RNLS: variants seen among roughly 807,000 people sequenced by gnomAD.
RNLS encodes renalase, FAD dependent amine oxidase, also known as renalase.
RNLS carries 39 observed loss-of-function variants against 39.8 expected under a neutral mutation model. That is an observed-to-expected ratio of 0.98 (90% CI 0.76 to 1.28). RNLS has a LOEUF of 1.28. Ranked by LOEUF, RNLS falls within the 50% of genes most tolerant of loss-of-function variation. RNLS has a pLI of 0.00. For synonymous variants in RNLS, 147 were observed against 150.7 expected (o/e 0.98, Z 0.18); for missense variants, 410 against 413.3 (o/e 0.99, Z 0.07).
intron 4 of RNLS, among the ~76,000 whole-genome samples, chr10:88,489,891 C>G (rs1326277227): frequency 1.3e-5 from 2 of 152,126 alleles, no homozygotes; most frequent in African/African-American, 4.8e-5. Context: ...CTTGACTGAA[C>G]CCCTAACTCT....
chr10:88,187,519 A>G, the RNLS span, among the ~76,000 whole-genome samples: 1 of 152,130 alleles, frequency 6.6e-6, no homozygotes, highest in Admixed American at 6.6e-5. Flanking sequence ...CAGCATTTGA[A>G]AACTGATGTG....
intron 5 of RNLS, among the ~76,000 whole-genome samples, chr10:88,342,640 ATATAAG>A (rs1848033336): frequency 4.6e-5 from 7 of 152,194 alleles, no homozygotes; most frequent in Admixed American, 3.3e-4. Flanking sequence ...GAAAATTAAA[ATATAAG>A]TATAAAATAA....
Position 88,482,765 on chromosome 10 carries a change from A to C in RNLS, c.526+90138T>G, listed in dbSNP as rs563444885. Among the ~76,000 whole-genome samples the C allele has an allele frequency of 1.2e-4, 18 of 152,142 alleles. 1 individual carries two copies. Among genetic ancestry groups the C allele is most frequent in the Non-Finnish European group, 2.6e-4 (18 of 68,016 alleles). ...TTGAACATTTTAGGTAATATATTGT[A>C]GAAACTCTGGAGTACAACCTTTTCC... On this transcript the variant is annotated intron_variant, in intron 4 of 6. Transcript: ENST00000331772.
intron 4 of RNLS, among the ~76,000 whole-genome samples, chr10:88,449,012 G>T (rs940250433): frequency 6.6e-6 from 1 of 152,184 alleles, no homozygotes; most frequent in African/African-American, 2.4e-5. Flanking sequence ...AGTGCGGGGA[G>T]GGAGAAGGGA....
chr10:88,346,782 C>G (rs1848337063), intron 5 of RNLS, among the ~76,000 whole-genome samples: 1 of 152,142 alleles, frequency 6.6e-6, no homozygotes, highest in African/African-American at 2.4e-5. Flanking sequence ...CAATCTTGAT[C>G]AAGATAAGAA....
chr10:88,484,770 C>T (rs933608675), intron 4 of RNLS, among the ~76,000 whole-genome samples: 1 of 151,870 alleles, frequency 6.6e-6, no homozygotes, highest in African/African-American at 2.4e-5. Context: ...GTAAATAGCA[C>T]ACCCTTAAAT....
chr10:88,412,418 A>G (rs931637108), intron 4 of RNLS, among the ~76,000 whole-genome samples: 3 of 116,242 alleles, frequency 2.6e-5, no homozygotes, highest in Admixed American at 8.9e-5. Context: ...CAGGTTCACA[A>G]GATGACAAAG....
intron 4 of RNLS, among the ~76,000 whole-genome samples, chr10:88,481,124 A>G (rs1365429179): frequency 6.6e-6 from 1 of 152,188 alleles, no homozygotes; most frequent in Non-Finnish European, 1.5e-5. Context: ...TGGTAACAGT[A>G]TAGCCACTAC....
intron 5 of RNLS, among the ~76,000 whole-genome samples, chr10:88,327,816 T>C (rs1333612023): frequency 6.6e-6 from 1 of 152,344 alleles, no homozygotes; most frequent in East Asian, 1.9e-4. Context: ...TTGCCCAGGC[T>C]GGTCTCAAAC....
chr10:88,203,551 C>G, the RNLS span, among the ~76,000 whole-genome samples: 1 of 146,324 alleles, frequency 6.8e-6, no homozygotes, highest in Non-Finnish European at 1.5e-5. Context: ...GTTCAAGGAC[C>G]GTTTACATCA....
At chr10:88,220,904 G>A in the RNLS span, among the ~76,000 whole-genome samples, 2 of 152,174 alleles carry the variant, frequency 1.3e-5, no homozygotes, top group African/African-American at 4.8e-5. Context: ...ACCCAGAGAG[G>A]TTGCAAGGAA....
At chr10:88,367,132 A>C (rs560665619) in intron 4 of RNLS, among the ~76,000 whole-genome samples, 1 of 152,070 alleles carries the variant, frequency 6.6e-6, no homozygotes, top group African/African-American at 2.4e-5. Flanking sequence ...TTATGCCTTG[A>C]TGAATTTTCA....
chr10:88,557,243 A>T lies in RNLS; in HGVS notation c.526+15660T>A, dbSNP rs1848923371. On this transcript the variant is annotated intron_variant, in intron 4 of 6. Transcript: ENST00000331772. ...AGCAAATTCTGCTTCAGATATGATG[A>T]TTTCCTTTGGCTATTTCATGTAGCA... Among the ~76,000 whole-genome samples the T allele has an allele frequency of 7.9e-5, 12 of 152,284 alleles. No individual in the cohort carries two copies. In the South Asian group the frequency reaches 2.3e-3, roughly 29 times the overall value.
At chr10:88,262,698 T>C in the RNLS span, among the ~76,000 whole-genome samples, 1 of 152,226 alleles carries the variant, frequency 6.6e-6, no homozygotes, top group Non-Finnish European at 1.5e-5. Flanking sequence ...AAAAATATAC[T>C]GTACTTTACA....
chr10:88,245,218 G>A, the RNLS span, among the ~76,000 whole-genome samples: 3 of 152,318 alleles, frequency 2.0e-5, no homozygotes, highest in African/African-American at 7.2e-5. Flanking sequence ...CTTTTGATTA[G>A]CATAACATTT....
At chr10:88,432,539 A>T (rs1257587456) in intron 4 of RNLS, among the ~76,000 whole-genome samples, 1 of 151,606 alleles carries the variant, frequency 6.6e-6, no homozygotes, top group Non-Finnish European at 1.5e-5. Context: ...TCCTTGTTCC[A>T]TCTTTTCTCT....
intron 4 of RNLS, among the ~76,000 whole-genome samples, chr10:88,467,667 T>A (rs191849945): frequency 3.3e-5 from 5 of 152,052 alleles, no homozygotes; most frequent in South Asian, 2.1e-4. Flanking sequence ...TAAAAAAAAA[T>A]GCCTGAGTCC....
chr10:88,435,817 T>A (rs10887819), intron 4 of RNLS, among the ~76,000 whole-genome samples: 11,041 of 152,224 alleles, frequency 0.073, 559 homozygotes, highest in East Asian at 0.25. Context: ...GGAAACCTTA[T>A]AATAAAAGCA....
the RNLS span, among the ~76,000 whole-genome samples, chr10:88,206,977 G>A: frequency 2.0e-5 from 3 of 152,034 alleles, no homozygotes; most frequent in Non-Finnish European, 2.9e-5. Flanking sequence ...TATAAAGGTG[G>A]CCCACAGGCT....
Sources: gnomAD v4.1 joint callset for allele counts (sites outside exome capture counted in the v4.1 genomes callset) on GRCh38, gnomAD v4.1.1 for gene constraint, MANE v1.5 for transcripts, NCBI Gene and HGNC (gene_info 2026-07-23, HGNC 2026-07-21) for gene names.